The following KMT2A variants were observed in gnomAD, a reference collection of about 807,000 sequenced individuals.
KMT2A encodes histone-lysine N-methyltransferase 2A.
A neutral mutation model predicts 345.3 loss-of-function variants in KMT2A; 16 were observed. The observed-to-expected ratio is 0.05, with a 90% confidence interval of 0.03 to 0.07. The LOEUF is 0.07. Among genes scored for constraint, KMT2A ranks in the 10% least tolerant of loss-of-function variants. KMT2A has a pLI of 1.00. For missense variants in KMT2A, 3,272 were observed against 4,841.6 expected (o/e 0.68, Z 9.62); for synonymous variants, 1,599 against 1,778.6 (o/e 0.90, Z 2.54).
rs528422578 is a variant in KMT2A at position 118,490,486 on chromosome 11, A to G, written c.4696+237A>G. On this transcript the variant is annotated intron_variant, in intron 13 of 35. Transcript: ENST00000534358. The surrounding 1 kb of genome is among the most constrained non-coding windows in gnomAD (Gnocchi z 4.2). ...TAACCACAAAGAAATCCTCTAAGCT[A>G]GTATTTCCCAAAGTGTGATATATAT... Among the ~76,000 whole-genome samples the G allele has an allele frequency of 1.3e-5, 2 of 152,312 alleles. No individual in the cohort carries two copies. The highest frequency in any genetic ancestry group is 3.9e-4 in the East Asian group (2 of 5,192).
intron 11 of KMT2A, among the ~76,000 whole-genome samples, chr11:118,489,432 T>C (rs1555041882): frequency 6.6e-6 from 1 of 152,176 alleles, no homozygotes; most frequent in Non-Finnish European, 1.5e-5. Flanking sequence ...GTCTTCCAGT[T>C]AAGATTTTGT....
rs1555053299 is a variant in KMT2A, at chr11:118,520,793, A to G, written c.11430-9A>G. On this transcript the variant is annotated splice_polypyrimidine_tract_variant and intron_variant, in intron 33 of 35. Coordinates refer to ENST00000534358, the MANE Select transcript of KMT2A (RefSeq NM_001197104.2). The surrounding 1 kb of genome is among the most constrained non-coding windows in gnomAD (Gnocchi z 4.3). Reference sequence around the variant, plus strand: ...AAAAAATTCGTTAATAGTATGTCTTATCTCTTAGGAGGGCAACTAGCATGG... The same window carrying G: ...AAAAAATTCGTTAATAGTATGTCTTGTCTCTTAGGAGGGCAACTAGCATGG... 1.2e-6 allele frequency: 2 copies of G among 1,611,644 alleles called. No individual in the cohort carries two copies. Among genetic ancestry groups the G allele is most frequent in the East Asian group, 4.5e-5 (2 of 44,876 alleles).
At chr11:118,501,999 T>G in intron 26 of KMT2A, 142 bp downstream of exon 26, 1 of 706,904 alleles carries the variant, frequency 1.4e-6, no homozygotes, top group Non-Finnish European at 2.3e-6. Flanking sequence ...ATGCCTGTAA[T>G]CCTAGCACTT....
chr11:118,494,801 C>T lies in KMT2A; in HGVS notation c.5363+34C>T, dbSNP rs527390222. On this transcript the variant is annotated intron_variant, in intron 18 of 35. Transcript: ENST00000534358. The surrounding 1 kb of genome is among the most constrained non-coding windows in gnomAD (Gnocchi z 5.8). ...ATTTAGCATAACTTTTTTTTCTCCT[C>T]ATCGGCTAGAAATCTGAGAGTTCTC... 28 of 1,519,314 alleles carry T rather than the reference C, an allele frequency of 1.8e-5. No individual in the cohort carries two copies. The highest frequency in any genetic ancestry group is 1.0e-4 in the South Asian group (9 of 87,760). 94.1% of individuals were successfully genotyped at this position (1,519,314 alleles called of 1,614,324 possible).
Position 118,510,150 on chromosome 11 carries a change from C to T in KMT2A, c.11071+32C>T. On this transcript the variant is annotated intron_variant, in intron 30 of 35. Transcript: ENST00000534358. This position sits in a 1 kb window ranked among gnomAD's most constrained non-coding sequence, Gnocchi z 4.1. ...GGATTAAATCAGGTTGACCCATCAG[C>T]AGAAGCCCTGTTTCAGCTAGAGCTT... 3 of 1,544,860 alleles carry T rather than the reference C, an allele frequency of 1.9e-6. No individual in the cohort carries two copies. Among genetic ancestry groups the T allele is most frequent in the Non-Finnish European group, 2.6e-6 (3 of 1,136,210 alleles).
chr11:118,522,322 C>CA lies in KMT2A; in HGVS notation c.*151dup, dbSNP rs1393132990. On this transcript the variant is annotated 3_prime_UTR_variant, in exon 36 of 36. Coordinates refer to ENST00000534358, the MANE Select transcript of KMT2A (RefSeq NM_001197104.2). The surrounding 1 kb of genome is among the most constrained non-coding windows in gnomAD (Gnocchi z 5.4). ...GCTGAGCTCTCTTATGTCCTATACT[C>CA]ACATCAGACATGTGATCATAGTCCC... The CA allele has an allele frequency of 1.5e-6, 1 of 669,786 alleles. No homozygotes were observed. Among genetic ancestry groups the CA allele is most frequent in the African/African-American group, 1.8e-5 (1 of 55,246 alleles). The allele number at this position is 669,786 out of a possible 1,614,324, so 41.5% of individuals were successfully genotyped here.
rs1462615054 is a variant in KMT2A at position 118,519,634 on chromosome 11, G to A, written c.11163G>A (p.Arg3721=). ...TTCTTCTAGGTGTTAACGGTTTGAGGATGCTGGGGATTCTCCATGATGCAG... is the reference window on the plus strand; with the variant it reads ...TTCTTCTAGGTGTTAACGGTTTGAGAATGCTGGGGATTCTCCATGATGCAG... ...QLSFAGVNGL[R]MLGILHDAVV... The change falls in exon 32 of 36, where the codon AGG becomes AGA. Residue 3721 remains arginine, a synonymous_variant. Transcript: ENST00000534358. 2 of 1,613,264 alleles carry A rather than the reference G, an allele frequency of 1.2e-6. No homozygotes were observed. Among genetic ancestry groups the A allele is most frequent in the African/African-American group, 2.7e-5 (2 of 75,026 alleles).
rs9332869 is a variant in KMT2A at position 118,522,841 on chromosome 11, C to T, written c.*669C>T. 4,295 of 219,362 alleles carry T rather than the reference C, an allele frequency of 0.02. 69 individuals carry two copies. The highest frequency in any genetic ancestry group is 0.03 in the Non-Finnish European group (3,278 of 108,988). The allele number at this position is 219,362 out of a possible 1,614,324, so 13.6% of individuals were successfully genotyped here. ...CCAGGAGCCTTATCTCAGCCAATTA[C>T]CTTTCTTGACAGTAGGAGCGGCTTC... On this transcript the variant is annotated 3_prime_UTR_variant, in exon 36 of 36. Transcript: ENST00000534358. The surrounding 1 kb of genome is among the most constrained non-coding windows in gnomAD (Gnocchi z 5.4).
In KMT2A at chr11:118,510,193, C is replaced by A; in HGVS notation, c.11071+75C>A. The stretch of plus-strand genomic sequence containing the variant: ...TAGAGCTTCATTTTCTGAGTATTAG[C>A]ACCATTTAGGTGGCTGTTTTATGCT... On this transcript the variant is annotated intron_variant, in intron 30 of 35. Coordinates refer to ENST00000534358, the MANE Select transcript of KMT2A (RefSeq NM_001197104.2). This position sits in a 1 kb window ranked among gnomAD's most constrained non-coding sequence, Gnocchi z 4.1. 2 of 1,254,178 alleles carry A rather than the reference C, an allele frequency of 1.6e-6. No homozygotes were observed. The highest frequency in any genetic ancestry group is 2.2e-6 in the Non-Finnish European group (2 of 903,728). The allele number at this position is 1,254,178 out of a possible 1,614,324, so 77.7% of individuals were successfully genotyped here.
Position 118,525,371 on chromosome 11 carries a change from C to T in KMT2A, c.*3199C>T, listed in dbSNP as rs1277382267. ...CTGTGTAACCAGAATAGCTGCATGG[C>T]GCTGACCCTTTGGCCGGAACTTGGT... On this transcript the variant is annotated 3_prime_UTR_variant, in exon 36 of 36. Transcript: ENST00000534358. 8.8e-6 allele frequency: 2 copies of T among 227,170 alleles called. No homozygotes were observed. Among genetic ancestry groups the T allele is most frequent in the Non-Finnish European group, 8.7e-6 (1 of 114,294 alleles). 14.1% of individuals were successfully genotyped at this position (227,170 alleles called of 1,614,324 possible).
intron 1 of KMT2A, chr11:118,449,880 A>G (rs1565263006): frequency 6.6e-6 from 1 of 152,228 alleles, no homozygotes; most frequent in African/African-American, 2.4e-5. Flanking sequence ...ACTGAGTTTT[A>G]TAGTAGAAGT....
At chr11:118,492,616 T>C (rs1950343252) in intron 15 of KMT2A, among the ~76,000 whole-genome samples, 1 of 152,200 alleles carries the variant, frequency 6.6e-6, no homozygotes, top group African/African-American at 2.4e-5. Flanking sequence ...GCGGCGGAGC[T>C]TGCAGTAAGC....
Position 118,476,411 on chromosome 11 carries a change from C to A in KMT2A, c.3157-394C>A, listed in dbSNP as rs1950038899. The stretch of plus-strand genomic sequence containing the variant: ...TTTGTTTTTAAGATAGGGTCTCACT[C>A]TGTCACCCAGGGTGGCTCAAGTGAT... On this transcript the variant is annotated intron_variant, in intron 3 of 35. Coordinates refer to ENST00000534358, the MANE Select transcript of KMT2A (RefSeq NM_001197104.2). This position sits in a 1 kb window ranked among gnomAD's most constrained non-coding sequence, Gnocchi z 4.1. 6.6e-6 allele frequency among the ~76,000 whole-genome samples: 1 copy of A among 152,054 alleles called. No homozygotes were observed. The highest frequency in any genetic ancestry group is 2.4e-5 in the African/African-American group (1 of 41,404).
chr11:118,514,917 G>A lies in KMT2A; in HGVS notation c.11146+2892G>A, dbSNP rs1339020763. Among the ~76,000 whole-genome samples, 16 of 152,214 alleles carry A rather than the reference G, an allele frequency of 1.1e-4. No homozygotes were observed. In the East Asian group the frequency reaches 1.2e-3, roughly 11 times the overall value. On this transcript the variant is annotated intron_variant, in intron 31 of 35. Coordinates refer to ENST00000534358, the MANE Select transcript of KMT2A (RefSeq NM_001197104.2). ...CAAAGTGCTGGGATTACAGGCGTGA[G>A]CCACCACGCCCGGCCTAATTTTTGT...
rs1244740220 is a variant in KMT2A at position 118,440,903 on chromosome 11, A to T, written c.432+3959A>T. On this transcript the variant is annotated intron_variant, in intron 1 of 35. Coordinates refer to ENST00000534358, the MANE Select transcript of KMT2A (RefSeq NM_001197104.2). ...GAAGGTAAATGAAGGAGGGAACACA[A>T]GCAGAGTGGAGTGCACGAAGCCTCC... Among the ~76,000 whole-genome samples the T allele has an allele frequency of 7.9e-5, 12 of 151,876 alleles. 1 individual carries two copies. Among genetic ancestry groups the T allele is most frequent in the Admixed American group, 7.2e-4 (11 of 15,238 alleles).
chr11:118,471,937 C>T lies in KMT2A; in HGVS notation c.778C>T (p.Pro260Ser). 6.8e-6 allele frequency: 11 copies of T among 1,614,072 alleles called. No homozygotes were observed. Among genetic ancestry groups the T allele is most frequent in the Non-Finnish European group, 9.3e-6 (11 of 1,180,012 alleles). The change falls in exon 3 of 36, where the codon CCT (proline) becomes TCT (serine). Residue 260 changes from proline (P) to serine (S), a missense_variant. This residue lies in a region of KMT2A where 412 missense variants were observed against 511.0 expected (regional missense o/e 0.81). Coordinates refer to ENST00000534358, the MANE Select transcript of KMT2A (RefSeq NM_001197104.2). ...TAGCCTGAAAAAAATTAAAAGGACA[C>T]CTTCTGCTACGTTTCAGCAAGCCAC... ...EDSLKKIKRT[P>S]SATFQQATKI...
At chr11:118,483,161 A>T (rs1482686564) in intron 8 of KMT2A, among the ~76,000 whole-genome samples, 1 of 151,038 alleles carries the variant, frequency 6.6e-6, no homozygotes, top group African/African-American at 2.4e-5. Context: ...TGAACCTGCG[A>T]GGCGGAGGCT....
chr11:118,454,047 C>A (rs1555029890), intron 1 of KMT2A, among the ~76,000 whole-genome samples: 1 of 152,132 alleles, frequency 6.6e-6, no homozygotes, highest in African/African-American at 2.4e-5. Context: ...CAAAATAAGC[C>A]CTAAATTCAA....
chr11:118,470,642 A>G (rs542835580), intron 2 of KMT2A, among the ~76,000 whole-genome samples: 5 of 152,350 alleles, frequency 3.3e-5, no homozygotes, highest in Admixed American at 3.3e-4. Flanking sequence ...AAGCTCAACA[A>G]TAAAACCTTT....
Sources: allele counts gnomAD v4.1 joint callset (sites outside exome capture counted in the v4.1 genomes callset), GRCh38; gene constraint gnomAD v4.1.1; regional missense constraint gnomAD v4.1.1; non-coding constraint Gnocchi (gnomAD v3.1); transcripts MANE v1.5; gene names NCBI Gene and HGNC (gene_info 2026-07-23, HGNC 2026-07-21).